LRP1B: variants seen among roughly 807,000 people sequenced by gnomAD.
LRP1B encodes the protein low-density lipoprotein receptor-related protein 1B.
LRP1B carries 217 observed loss-of-function variants against 556.6 expected under a neutral mutation model. The ratio of observed to expected loss-of-function variants is 0.39; its 90% CI spans 0.35 to 0.44. The LOEUF is 0.44. Among genes scored for constraint, LRP1B ranks in the 20% least tolerant of loss-of-function variants. The probability of loss-of-function intolerance (pLI) is 1.00; values close to 1 mark genes in which losing one functional copy is unlikely to be tolerated. For missense variants in LRP1B, 5,053 were observed against 5,620.8 expected (o/e 0.90, Z 3.23); for synonymous variants, 2,047 against 1,865.8 (o/e 1.10, Z -2.50).
chr2:141,995,959 G>A (rs1702477644), intron 1 of LRP1B, among the ~76,000 whole-genome samples: 1 of 152,116 alleles, frequency 6.6e-6, no homozygotes, highest in Non-Finnish European at 1.5e-5. Flanking sequence ...TACCCATTAA[G>A]AAGTTATAAG....
At chr2:141,079,668 C>T (rs989393377) in intron 7 of LRP1B, among the ~76,000 whole-genome samples, 1 of 152,168 alleles carries the variant, frequency 6.6e-6, no homozygotes, top group East Asian at 1.9e-4. Flanking sequence ...TCAGTTAGAA[C>T]TTACACTAGT....
At chr2:141,150,189 C>A (rs375725763) in intron 7 of LRP1B, among the ~76,000 whole-genome samples, 3 of 152,096 alleles carry the variant, frequency 2.0e-5, no homozygotes, top group African/African-American at 7.2e-5. Flanking sequence ...GACACCAATA[C>A]GTGGATGAGA....
At chr2:141,587,325 T>C (rs148365124) in intron 2 of LRP1B, among the ~76,000 whole-genome samples, 146 of 152,318 alleles carry the variant, frequency 9.6e-4, no homozygotes, top group African/African-American at 3.4e-3. Context: ...AACAGCATCA[T>C]ATAGTTGAAA....
chr2:141,643,221 GTCT>G (rs997619955), intron 2 of LRP1B, among the ~76,000 whole-genome samples: 6 of 152,056 alleles, frequency 3.9e-5, no homozygotes, highest in Admixed American at 6.6e-5. Flanking sequence ...TAGAAGACTG[GTCT>G]TCTTTAAATT....
chr2:140,998,988 C>G lies in LRP1B; in HGVS notation c.2504-4853G>C, dbSNP rs148928520. Among the ~76,000 whole-genome samples, 4 of 152,152 alleles carry G rather than the reference C, an allele frequency of 2.6e-5. No homozygotes were observed. In the East Asian group the frequency reaches 7.8e-4, roughly 30 times the overall value. ...ACAGTAATGAGAGGTTAGTGGCATA[C>G]TGATATTTCCTATGCACTACTCTAC... On this transcript the variant is annotated intron_variant, in intron 15 of 90. Coordinates refer to ENST00000389484, the MANE Select transcript of LRP1B (RefSeq NM_018557.3).
chr2:141,243,503 A>G (rs1323259400), intron 5 of LRP1B, among the ~76,000 whole-genome samples: 1 of 152,170 alleles, frequency 6.6e-6, no homozygotes, highest in Non-Finnish European at 1.5e-5. Flanking sequence ...AAATAAATAA[A>G]TAAACATTAA....
chr2:141,790,876 G>C (rs1018742214), intron 2 of LRP1B, among the ~76,000 whole-genome samples: 1 of 151,936 alleles, frequency 6.6e-6, no homozygotes, highest in Non-Finnish European at 1.5e-5. Context: ...TTGTTGTATA[G>C]AAATACAATT....
chr2:142,051,210 G>A (rs539802688), intron 1 of LRP1B, among the ~76,000 whole-genome samples: 8 of 152,214 alleles, frequency 5.3e-5, no homozygotes, highest in South Asian at 2.1e-4. Context: ...AGGGGGTGGG[G>A]AAAGGACATT....
chr2:141,444,488 C>T (rs1681104785), intron 3 of LRP1B, among the ~76,000 whole-genome samples: 1 of 152,172 alleles, frequency 6.6e-6, no homozygotes, highest in African/African-American at 2.4e-5. Flanking sequence ...TGAAAGAGGG[C>T]ATCCTTGTCT....
At chr2:141,028,734 A>T (rs1209298145) in intron 11 of LRP1B, among the ~76,000 whole-genome samples, 2 of 152,122 alleles carry the variant, frequency 1.3e-5, no homozygotes, top group African/African-American at 2.4e-5. Context: ...TAAAGTAATG[A>T]CAACTAAATT....
chr2:141,321,952 G>C (rs543861721), intron 3 of LRP1B, among the ~76,000 whole-genome samples: 21 of 152,140 alleles, frequency 1.4e-4, no homozygotes, highest in Middle Eastern at 3.4e-3. Flanking sequence ...ATGCACTAGA[G>C]CTTTCTAGTC....
intron 1 of LRP1B, among the ~76,000 whole-genome samples, chr2:142,107,794 A>ATTTTTTT (rs67962280): frequency 9.5e-4 from 105 of 110,502 alleles, no homozygotes; most frequent in African/African-American, 1.5e-3. Flanking sequence ...CGCCTAGCTA[A>ATTTTTTT]TTTTTTTTTT....
intron 2 of LRP1B, among the ~76,000 whole-genome samples, chr2:141,673,593 TG>T (rs1376713602): frequency 6.6e-6 from 1 of 152,146 alleles, no homozygotes; most frequent in Non-Finnish European, 1.5e-5. Flanking sequence ...AGCCATACAC[TG>T]GTAAAACAAT....
chr2:140,903,503 G>A (rs952314717), intron 22 of LRP1B, among the ~76,000 whole-genome samples: 1 of 151,962 alleles, frequency 6.6e-6, no homozygotes, highest in Admixed American at 6.6e-5. Context: ...TTTAGCAGTG[G>A]TGCAAAATAA....
intron 7 of LRP1B, among the ~76,000 whole-genome samples, chr2:141,136,333 T>A (rs1701491545): frequency 6.6e-6 from 1 of 151,876 alleles, no homozygotes; most frequent in African/African-American, 2.4e-5. Context: ...GAATCTTCAC[T>A]GTTCACTTTC....
At chr2:141,930,332 TA>T (rs1156264166) in intron 1 of LRP1B, among the ~76,000 whole-genome samples, 3 of 152,068 alleles carry the variant, frequency 2.0e-5, no homozygotes, top group Admixed American at 1.3e-4. Flanking sequence ...TTTACATTTT[TA>T]AAAACAAAAC....
intron 1 of LRP1B, among the ~76,000 whole-genome samples, chr2:141,990,325 A>G (rs1702309273): frequency 6.6e-6 from 1 of 152,086 alleles, no homozygotes; most frequent in Non-Finnish European, 1.5e-5. Context: ...TGAATGTTAA[A>G]TACTTTAAAA....
intron 3 of LRP1B, among the ~76,000 whole-genome samples, chr2:141,273,310 A>C (rs1192125596): frequency 6.7e-6 from 1 of 149,556 alleles, no homozygotes; most frequent in Admixed American, 6.7e-5. Flanking sequence ...CTCCATCTCA[A>C]AAAAAAAAAG....
chr2:141,048,342 T>G, intron 11 of LRP1B, among the ~76,000 whole-genome samples: 1 of 152,144 alleles, frequency 6.6e-6, no homozygotes, highest in East Asian at 1.9e-4. Flanking sequence ...ATTCTTTTGT[T>G]ACTAGATTAC....
Sources: allele counts gnomAD v4.1 joint callset (sites outside exome capture counted in the v4.1 genomes callset), GRCh38; gene constraint gnomAD v4.1.1; transcripts MANE v1.5; gene names NCBI Gene and HGNC (gene_info 2026-07-23, HGNC 2026-07-21).